VPS26B: variants seen among roughly 807,000 people sequenced by gnomAD.
VPS26B encodes the protein VPS26 retromer complex component B.
A neutral mutation model predicts 33.3 loss-of-function variants in VPS26B; 10 were observed. That is an observed-to-expected ratio of 0.30 (90% CI 0.19 to 0.51). VPS26B has a LOEUF of 0.51. Among genes scored for constraint, VPS26B ranks in the 20% least tolerant of loss-of-function variants. The pLI, the probability that VPS26B is intolerant of heterozygous loss-of-function variation, is 0.98. For missense variants in VPS26B, 317 were observed against 452.7 expected, an observed-to-expected ratio of 0.70 and a Z score of 2.72; for synonymous variants, 190 against 176.9, an observed-to-expected ratio of 1.07 and a Z score of -0.59.
intron 1 of VPS26B, among the ~76,000 whole-genome samples, chr11:134,230,635 T>G (rs1004935611): frequency 6.6e-6 from 1 of 152,236 alleles, no homozygotes. Flanking sequence ...CTTTACATCT[T>G]TCTTTCCTCA....
intron 2 of VPS26B, 200 bp downstream of exon 2, chr11:134,235,253 T>C (rs1435004697): frequency 1.7e-6 from 1 of 597,372 alleles, no homozygotes; most frequent in African/African-American, 1.9e-5. Context: ...TGTCAATTTC[T>C]GTAGTGTACA....
At chr11:134,239,665 C>T in intron 2 of VPS26B, 1 of 355,604 alleles carries the variant, frequency 2.8e-6, no homozygotes, top group Non-Finnish European at 5.4e-6. Context: ...CGTGAAAGGC[C>T]CAAGAATAAC....
At chr11:134,230,137 C>G (rs1331699826) in intron 1 of VPS26B, among the ~76,000 whole-genome samples, 3 of 152,188 alleles carry the variant, frequency 2.0e-5, no homozygotes, top group African/African-American at 7.2e-5. Flanking sequence ...CTCATTAATA[C>G]CTCTTTTCAA....
rs1938790379 is a variant in VPS26B at position 134,245,132 on chromosome 11, C to T, written c.864+52C>T. 6.3e-7 allele frequency: 1 copy of T among 1,589,782 alleles called. No individual in the cohort carries two copies. Among genetic ancestry groups the T allele is most frequent in the Non-Finnish European group, 8.5e-7 (1 of 1,170,288 alleles). On this transcript the variant is annotated intron_variant, in intron 5 of 5. Coordinates refer to ENST00000281187, the MANE Select transcript of VPS26B (RefSeq NM_052875.5). This position sits in a 1 kb window ranked among gnomAD's most constrained non-coding sequence, Gnocchi z 4.7. Reference sequence around the variant, plus strand: ...GATGCCCTTGGGACAGAACAGGAGGCTCTCTTTCCTATGGAAGGTCAGACT... The same window carrying T: ...GATGCCCTTGGGACAGAACAGGAGGTTCTCTTTCCTATGGAAGGTCAGACT...
Position 134,233,960 on chromosome 11 carries a change from T to A in VPS26B, c.224-937T>A, listed in dbSNP as rs115796689. ...TACCAGAACTATTTCCTGAAGAGGA[T>A]AAATTTAGAGCAATGCTTCTTAAAG... On this transcript the variant is annotated intron_variant, in intron 1 of 5. Transcript: ENST00000281187. Among the ~76,000 whole-genome samples, 880 of 152,300 alleles carry A rather than the reference T, an allele frequency of 5.8e-3. 7 individuals carry two copies. Among genetic ancestry groups the A allele is most frequent in the African/African-American group, 0.02 (836 of 41,554 alleles).
intron 3 of VPS26B, among the ~76,000 whole-genome samples, chr11:134,241,966 A>G (rs1021274027): frequency 5.9e-5 from 9 of 152,284 alleles, no homozygotes; most frequent in African/African-American, 1.9e-4. Flanking sequence ...TGAGATCCTT[A>G]GACCCTCTGG....
Position 134,243,272 on chromosome 11 carries a change from C to T in VPS26B, c.699C>T (p.Ile233=). 6.2e-7 allele frequency: 1 copy of T among 1,614,100 alleles called. No homozygotes were observed. The highest frequency in any genetic ancestry group is 8.5e-7 in the Non-Finnish European group (1 of 1,179,950). Residue 233 remains isoleucine, a synonymous_variant, in exon 4 of 6, where the codon ATC becomes ATT. Transcript: ENST00000281187. ...ATGACACGATAGCCAAGTACGAGAT[C>T]ATGGACGGGGCACCAGTGCGAGGTG... ...HENDTIAKYE[I]MDGAPVRGES... is the part of the protein sequence containing the mutation.
intron 1 of VPS26B, among the ~76,000 whole-genome samples, chr11:134,232,973 G>T (rs1171625007): frequency 6.6e-6 from 1 of 152,156 alleles, no homozygotes; most frequent in South Asian, 2.1e-4. Context: ...ACTTTTATTG[G>T]GGGGGCACAA....
chr11:134,245,455 G>A lies in VPS26B; in HGVS notation c.876G>A (p.Leu292=), dbSNP rs1938796283. The stretch of plus-strand genomic sequence containing the variant: ...TTTCAATTCTGCAGGAAGTGGTGTT[G>A]TGGCGGAAGGGTGACATCGTACGGA... ...RRYFKQQEVV[L]WRKGDIVRKS... The change falls in exon 6 of 6, where the codon TTG becomes TTA. Residue 292 remains leucine (L), a synonymous_variant. Transcript: ENST00000281187. This position sits in a 1 kb window ranked among gnomAD's most constrained non-coding sequence, Gnocchi z 4.7. The A allele has an allele frequency of 6.2e-7, 1 of 1,614,010 alleles. No homozygotes were observed. The highest frequency in any genetic ancestry group is 8.5e-7 in the Non-Finnish European group (1 of 1,179,888).
At chr11:134,234,041 G>A (rs1458488088) in intron 1 of VPS26B, among the ~76,000 whole-genome samples, 1 of 152,132 alleles carries the variant, frequency 6.6e-6, no homozygotes, top group East Asian at 1.9e-4. Flanking sequence ...CCAGTTCTCA[G>A]GCCCCATCCC....
At position 134,224,856 on chromosome 11, in the gene VPS26B, C is replaced by G. The variant is rs927797771; in HGVS notation, c.-267C>G. The G allele has an allele frequency of 3.7e-5, 6 of 163,894 alleles. No individual in the cohort carries two copies. Among genetic ancestry groups the G allele is most frequent in the Admixed American group, 3.2e-4 (5 of 15,528 alleles). 10.2% of individuals were successfully genotyped at this position (163,894 alleles called of 1,614,324 possible). On this transcript the variant is annotated 5_prime_UTR_variant, in exon 1 of 6. Coordinates refer to ENST00000281187, the MANE Select transcript of VPS26B (RefSeq NM_052875.5). ...CCACCGGCCGCGGGACTGGCTGGGA[C>G]TGGCTCGGCCGAGGGCACTGCTCCT...
chr11:134,240,795 G>A lies in VPS26B; in HGVS notation c.545+640G>A, dbSNP rs1047193689. Among the ~76,000 whole-genome samples, 42 of 13,024 alleles carry A rather than the reference G, an allele frequency of 3.2e-3. No individual in the cohort carries two copies. Among genetic ancestry groups the A allele is most frequent in the Non-Finnish European group, 6.6e-3 (39 of 5,880 alleles). The allele number at this position is 13,024 out of a possible 152,430, so 8.5% of individuals were successfully genotyped here. On this transcript the variant is annotated intron_variant, in intron 3 of 5. Coordinates refer to ENST00000281187, the MANE Select transcript of VPS26B (RefSeq NM_052875.5). This position sits in a 1 kb window ranked among gnomAD's most constrained non-coding sequence, Gnocchi z 4.4. ...TGTCCGTGTGTGTGTGTGTGTGTCCGTGTGTGTGTGTGTGTGTGTGTGTGT... is the reference window on the plus strand; with the variant it reads ...TGTCCGTGTGTGTGTGTGTGTGTCCATGTGTGTGTGTGTGTGTGTGTGTGT...
Position 134,243,253 on chromosome 11 carries a change from C to T in VPS26B, c.680C>T (p.Thr227Met), listed in dbSNP as rs761503499. The T allele has an allele frequency of 4.3e-6, 7 of 1,614,090 alleles. No individual in the cohort carries two copies. Among genetic ancestry groups the T allele is most frequent in the Non-Finnish European group, 5.9e-6 (7 of 1,179,998 alleles). ...TGPNVYHEND[T>M]IAKYEIMDGA... Reference sequence around the variant, plus strand: ...CCCAACGTGTACCATGAGAATGACACGATAGCCAAGTACGAGATCATGGAC... The same window carrying T: ...CCCAACGTGTACCATGAGAATGACATGATAGCCAAGTACGAGATCATGGAC... The change falls in exon 4 of 6, where the codon ACG becomes ATG. Residue 227 changes from threonine to methionine, a missense_variant. Coordinates refer to ENST00000281187, the MANE Select transcript of VPS26B (RefSeq NM_052875.5).
At chr11:134,225,700 C>A (rs1185066357) in intron 1 of VPS26B, among the ~76,000 whole-genome samples, 1 of 152,234 alleles carries the variant, frequency 6.6e-6, no homozygotes, top group Non-Finnish European at 1.5e-5. Context: ...CTGGCCATAG[C>A]CTGCAGGTGG....
chr11:134,229,524 A>G (rs1180224072), intron 1 of VPS26B, among the ~76,000 whole-genome samples: 2 of 151,804 alleles, frequency 1.3e-5, no homozygotes, highest in Non-Finnish European at 2.9e-5. Context: ...TTTTTTCCCC[A>G]TTTCGGCCTA....
chr11:134,232,661 G>A (rs1938573298), intron 1 of VPS26B, among the ~76,000 whole-genome samples: 1 of 152,200 alleles, frequency 6.6e-6, no homozygotes, highest in Non-Finnish European at 1.5e-5. Flanking sequence ...GTTTATTCCT[G>A]ATGTTGCCTT....
rs745367343 is a variant in VPS26B at position 134,245,451 on chromosome 11, T to C, written c.872T>C (p.Val291Ala). 8 of 1,613,968 alleles carry C rather than the reference T, an allele frequency of 5.0e-6. No individual in the cohort carries two copies. In the South Asian group the frequency reaches 8.8e-5, roughly 18 times the overall value. ...CCCCTTTCAATTCTGCAGGAAGTGGTGTTGTGGCGGAAGGGTGACATCGTA... is the reference window on the plus strand; with the variant it reads ...CCCCTTTCAATTCTGCAGGAAGTGGCGTTGTGGCGGAAGGGTGACATCGTA... ...ERRYFKQQEVVLWRKGDIVRK... is the reference protein window; with the variant it reads ...ERRYFKQQEVALWRKGDIVRK... The change falls in exon 6 of 6, where the codon GTG becomes GCG. Residue 291 changes from valine (V) to alanine (A), a missense_variant. Physicochemically the swap from Val to Ala is moderately conservative, Grantham distance 64. Transcript: ENST00000281187. The surrounding 1 kb of genome is among the most constrained non-coding windows in gnomAD (Gnocchi z 4.7).
rs143602126 is a variant in VPS26B at position 134,234,913 on chromosome 11, C to T, written c.240C>T (p.Arg80=). 1.2e-4 allele frequency: 187 copies of T among 1,613,936 alleles called. No individual in the cohort carries two copies. The highest frequency in any genetic ancestry group is 1.5e-4 in the Non-Finnish European group (178 of 1,179,970). The change falls in exon 2 of 6, where the codon CGC becomes CGT. Residue 80 remains arginine, a synonymous_variant. Transcript: ENST00000281187. The stretch of plus-strand genomic sequence containing the variant: ...TCTCACCAGAACTCTACTACGATCG[C>T]GGGAACCACCATGAGTTTGTGTCCC... The part of the protein sequence containing the change: ...FIGQIELYYD[R]GNHHEFVSLV...
Position 134,245,424 on chromosome 11 carries a change from C to A in VPS26B, c.865-20C>A, listed in dbSNP as rs929535768. The A allele has an allele frequency of 4.3e-6, 7 of 1,613,668 alleles. No individual in the cohort carries two copies. In the South Asian group the frequency reaches 7.7e-5, roughly 18 times the overall value. On this transcript the variant is annotated intron_variant, in intron 5 of 5. Transcript: ENST00000281187. The surrounding 1 kb of genome is among the most constrained non-coding windows in gnomAD (Gnocchi z 4.7). ...TGCCTCCCTCTAAGGTGTCACATTG[C>A]CCCCCTTTCAATTCTGCAGGAAGTG... is the stretch of plus-strand genomic sequence containing the variant.
Sources: allele counts gnomAD v4.1 joint callset (sites outside exome capture counted in the v4.1 genomes callset), GRCh38; gene constraint gnomAD v4.1.1; non-coding constraint Gnocchi (gnomAD v3.1); transcripts MANE v1.5; gene names NCBI Gene and HGNC (gene_info 2026-07-23, HGNC 2026-07-21).